The following TCERG1L variants were observed in gnomAD, a reference collection of about 807,000 sequenced individuals.
TCERG1L encodes the protein transcription elongation regulator 1-like protein.
TCERG1L carries 37 observed loss-of-function variants against 56.3 expected under a neutral mutation model. The observed-to-expected ratio is 0.66, with a 90% CI of 0.51 to 0.87. The LOEUF is 0.87. TCERG1L is among the 40% of genes least tolerant of loss of function. The pLI is 0.00. For missense variants in TCERG1L, 799 were observed against 774.2 expected, an observed-to-expected ratio of 1.03 and a Z score of -0.38; for synonymous variants, 324 against 326.3, an observed-to-expected ratio of 0.99 and a Z score of 0.08.
chr10:131,114,928 G>C (rs1354768638), intron 9 of TCERG1L, among the ~76,000 whole-genome samples: 2 of 152,228 alleles, frequency 1.3e-5, no homozygotes, highest in Non-Finnish European at 2.9e-5. Flanking sequence ...GGCCTATTCA[G>C]AAACTCAGAA....
At chr10:131,246,858 C>T (rs1274518267) in intron 4 of TCERG1L, among the ~76,000 whole-genome samples, 1 of 152,242 alleles carries the variant, frequency 6.6e-6, no homozygotes, top group Non-Finnish European at 1.5e-5. Flanking sequence ...GCCGCACACT[C>T]AGCGGACAGG....
intron 8 of TCERG1L, among the ~76,000 whole-genome samples, chr10:131,122,508 T>C (rs781564509): frequency 2.0e-5 from 3 of 152,224 alleles, no homozygotes; most frequent in African/African-American, 4.8e-5. Flanking sequence ...AGGCTCAGGA[T>C]TGCGCTGGTT....
At chr10:131,247,667 A>T (rs951941315) in intron 4 of TCERG1L, among the ~76,000 whole-genome samples, 1 of 152,150 alleles carries the variant, frequency 6.6e-6, no homozygotes, top group Non-Finnish European at 1.5e-5. Context: ...GAGATTTTAG[A>T]GGAGATGAAC....
At chr10:131,249,815 C>G (rs963787255) in intron 4 of TCERG1L, among the ~76,000 whole-genome samples, 2 of 152,150 alleles carry the variant, frequency 1.3e-5, no homozygotes, top group Non-Finnish European at 2.9e-5. Flanking sequence ...TGCTCCCCTC[C>G]TTTTCAAATC....
At chr10:131,188,394 C>A (rs1328373767) in intron 4 of TCERG1L, among the ~76,000 whole-genome samples, 1 of 152,162 alleles carries the variant, frequency 6.6e-6, no homozygotes, top group East Asian at 1.9e-4. Flanking sequence ...CTTGCCCACA[C>A]AATTACTCCA....
intron 4 of TCERG1L, among the ~76,000 whole-genome samples, chr10:131,177,227 GAC>G (rs1230894933): frequency 2.1e-4 from 18 of 87,484 alleles, no homozygotes; most frequent in African/African-American, 7.2e-4. Context: ...CATATATGAA[GAC>G]ACACACATGT....
intron 4 of TCERG1L, among the ~76,000 whole-genome samples, chr10:131,172,391 C>T (rs1287248380): frequency 6.6e-6 from 1 of 152,198 alleles, no homozygotes; most frequent in South Asian, 2.1e-4. Context: ...CGAGAGCAAC[C>T]GCTCATGCAT....
intron 4 of TCERG1L, among the ~76,000 whole-genome samples, chr10:131,209,362 C>T (rs1420311187): frequency 4.6e-5 from 7 of 152,130 alleles, no homozygotes; most frequent in Admixed American, 2.0e-4. Context: ...TAAATAGAAA[C>T]GTGGACCACG....
intron 11 of TCERG1L, among the ~76,000 whole-genome samples, chr10:131,096,009 A>C (rs1200787339): frequency 1.3e-5 from 2 of 152,204 alleles, no homozygotes; most frequent in Non-Finnish European, 2.9e-5. Context: ...TTTAACAGTA[A>C]TGATGGTCTC....
intron 3 of TCERG1L, among the ~76,000 whole-genome samples, chr10:131,288,300 C>A (rs1393505970): frequency 6.6e-6 from 1 of 152,194 alleles, no homozygotes; most frequent in Non-Finnish European, 1.5e-5. Flanking sequence ...AACCGGGCAC[C>A]CAACCCGGTT....
chr10:131,267,741 G>A lies in TCERG1L; in HGVS notation c.671-7297C>T, dbSNP rs775514155. Among the ~76,000 whole-genome samples the A allele has an allele frequency of 2.0e-5, 3 of 152,196 alleles. No homozygotes were observed. Among genetic ancestry groups the A allele is most frequent in the African/African-American group, 7.2e-5 (3 of 41,434 alleles). On this transcript the variant is annotated intron_variant, in intron 3 of 11. Transcript: ENST00000368642. This position sits in a 1 kb window ranked among gnomAD's most constrained non-coding sequence, Gnocchi z 4.9. ...ATGCAAGGGTGGAGGTGGCACAGTT[G>A]GCTGCCTTGGGGACATGGGGCACAG...
chr10:131,153,929 A>G (rs1236113124), intron 6 of TCERG1L, among the ~76,000 whole-genome samples: 1 of 152,164 alleles, frequency 6.6e-6, no homozygotes, highest in Non-Finnish European at 1.5e-5. Flanking sequence ...GCGGGTATGG[A>G]GTTGAACCAG....
intron 4 of TCERG1L, among the ~76,000 whole-genome samples, chr10:131,191,395 T>C (rs887448227): frequency 7.0e-6 from 1 of 143,884 alleles, no homozygotes; most frequent in Non-Finnish European, 1.5e-5. Context: ...AAAATTCATA[T>C]GGAACCAAAA....
chr10:131,188,000 G>A (rs760992715), intron 4 of TCERG1L, among the ~76,000 whole-genome samples: 12 of 152,192 alleles, frequency 7.9e-5, no homozygotes, highest in Non-Finnish European at 1.5e-4. Context: ...CCTGGGTTAC[G>A]CTTTCTCTGC....
At chr10:131,195,456 T>C (rs1212636173) in intron 4 of TCERG1L, among the ~76,000 whole-genome samples, 1 of 152,208 alleles carries the variant, frequency 6.6e-6, no homozygotes, top group Non-Finnish European at 1.5e-5. Flanking sequence ...TTTTCAAGGC[T>C]GACGGCTATC....
chr10:131,239,074 C>G (rs1845945105), intron 4 of TCERG1L, among the ~76,000 whole-genome samples: 1 of 152,142 alleles, frequency 6.6e-6, no homozygotes, highest in Admixed American at 6.5e-5. Flanking sequence ...GTGCTGTTCC[C>G]AAGAGAGAGC....
chr10:131,278,244 T>C (rs1185364354), intron 3 of TCERG1L, among the ~76,000 whole-genome samples: 1 of 151,804 alleles, frequency 6.6e-6, no homozygotes, highest in Non-Finnish European at 1.5e-5. Flanking sequence ...ACCTGTAAAA[T>C]GGGGCAGCGA....
intron 4 of TCERG1L, among the ~76,000 whole-genome samples, chr10:131,171,334 C>T (rs1283718256): frequency 6.6e-6 from 1 of 152,114 alleles, no homozygotes; most frequent in Non-Finnish European, 1.5e-5. Context: ...TTGTGCCTGA[C>T]CCGGGGTCAG....
intron 4 of TCERG1L, among the ~76,000 whole-genome samples, chr10:131,177,535 C>A (rs1472146622): frequency 6.6e-6 from 1 of 152,280 alleles, no homozygotes; most frequent in African/African-American, 2.4e-5. Flanking sequence ...CCTCCCAGCA[C>A]AGGGCCATTG....
Sources: gnomAD v4.1 joint callset for allele counts (sites outside exome capture counted in the v4.1 genomes callset) on GRCh38, gnomAD v4.1.1 for gene constraint, Gnocchi (gnomAD v3.1) non-coding constraint, MANE v1.5 for transcripts, NCBI Gene and HGNC (gene_info 2026-07-23, HGNC 2026-07-21) for gene names.